COL27A1: variants seen among roughly 807,000 people sequenced by gnomAD.
COL27A1 encodes the protein collagen alpha-1(XXVII) chain.
Under a neutral mutation model 251.3 loss-of-function variants are expected in COL27A1, and 106 were observed. The ratio of observed to expected loss-of-function variants is 0.42; its 90% CI spans 0.36 to 0.50. The LOEUF (loss-of-function observed/expected upper bound fraction) is 0.50. Among genes scored for constraint, COL27A1 ranks in the 20% least tolerant of loss-of-function variants. The pLI is 0.00. For synonymous variants in COL27A1, 1,000 were observed against 986.3 expected (o/e 1.01, Z -0.26); for missense variants, 2,325 against 2,522.8 (o/e 0.92, Z 1.68).
intron 2 of COL27A1, among the ~76,000 whole-genome samples, chr9:114,167,463 A>G (rs1266778691): frequency 1.3e-5 from 2 of 152,198 alleles, no homozygotes; most frequent in Non-Finnish European, 2.9e-5. Context: ...TAACCCCAAC[A>G]TGCAAGATTA....
chr9:114,193,913 C>T (rs1008401163), intron 5 of COL27A1, among the ~76,000 whole-genome samples: 1 of 152,106 alleles, frequency 6.6e-6, no homozygotes, highest in African/African-American at 2.4e-5. Flanking sequence ...CAGAGCTCTA[C>T]AAGTAGGATG....
chr9:114,309,678 A>G (rs759799906), intron 60 of COL27A1, among the ~76,000 whole-genome samples, 200 bp downstream of exon 60: 3 of 152,312 alleles, frequency 2.0e-5, no homozygotes, highest in Admixed American at 6.5e-5. Flanking sequence ...CTGGGAAGCT[A>G]TGAGGGGAGG....
chr9:114,231,185 G>C (rs1017194802), intron 15 of COL27A1, 53 bp downstream of exon 15: 2 of 1,541,724 alleles, frequency 1.3e-6, no homozygotes, highest in East Asian at 4.5e-5. Context: ...GGGCACCCCC[G>C]ACCCATTTCA....
chr9:114,218,665 C>G (rs1830870454), intron 12 of COL27A1: 1 of 152,210 alleles, frequency 6.6e-6, no homozygotes, highest in Non-Finnish European at 1.5e-5. Context: ...GGGTGAATGT[C>G]AATCCAAGAG....
chr9:114,259,769 A>T (rs980232092), intron 28 of COL27A1, among the ~76,000 whole-genome samples: 6 of 152,122 alleles, frequency 3.9e-5, no homozygotes, highest in Non-Finnish European at 5.9e-5. Flanking sequence ...GTGCAGCCTT[A>T]TTGTAAAGAG....
At chr9:114,239,964 C>A (rs138785300) in intron 19 of COL27A1, among the ~76,000 whole-genome samples, 2 of 152,274 alleles carry the variant, frequency 1.3e-5, no homozygotes, top group African/African-American at 4.8e-5. Context: ...TTGAGTGTGA[C>A]CTTCCATGTT....
chr9:114,302,170 G>A (rs1463213969), intron 56 of COL27A1, 62 bp downstream of exon 56: 2 of 1,426,770 alleles, frequency 1.4e-6, no homozygotes, highest in Non-Finnish European at 2.0e-6. Flanking sequence ...TGGGGGAAGA[G>A]GCTGCTGGCC....
At chr9:114,177,805 C>T (rs987360383) in intron 3 of COL27A1, among the ~76,000 whole-genome samples, 4 of 152,194 alleles carry the variant, frequency 2.6e-5, no homozygotes. Context: ...AGTCCCTTCT[C>T]TGTTCTGATT....
At chr9:114,265,349 G>T in intron 31 of COL27A1, 73 bp from the exon 32 acceptor site, 1 of 1,497,224 alleles carries the variant, frequency 6.7e-7, no homozygotes, top group Non-Finnish European at 9.2e-7. Context: ...ACACTAGGAT[G>T]GCTTGCTTGA....
intron 27 of COL27A1, among the ~76,000 whole-genome samples, chr9:114,256,862 A>C (rs573628785): frequency 2.0e-5 from 3 of 152,336 alleles, no homozygotes; most frequent in African/African-American, 7.2e-5. Context: ...CTTGATGTAG[A>C]GACTTGGCTC....
At chr9:114,310,133 GA>G (rs1177692230) in intron 60 of COL27A1, among the ~76,000 whole-genome samples, 1 of 152,134 alleles carries the variant, frequency 6.6e-6, no homozygotes, top group African/African-American at 2.4e-5. Flanking sequence ...AAGGGTGGGA[GA>G]GGGGTGAGAG....
Position 114,309,555 on chromosome 9 carries a change from A to G in COL27A1, c.5436+77A>G, listed in dbSNP as rs148552406. ...CACTTGTTTGGAAAAATGTGTTTCT[A>G]TTATAAGATTATATCTAACATTTTA... On this transcript the variant is annotated intron_variant, in intron 60 of 60. Transcript: ENST00000356083. 16 of 1,015,846 alleles carry G rather than the reference A, an allele frequency of 1.6e-5. 1 individual carries two copies. The African/African-American group carries it at 2.2e-4, about 14-fold the overall frequency. 62.9% of individuals were successfully genotyped at this position (1,015,846 alleles called of 1,614,324 possible).
At chr9:114,170,911 C>T (rs1588575829) in intron 3 of COL27A1, among the ~76,000 whole-genome samples, 1 of 152,010 alleles carries the variant, frequency 6.6e-6, no homozygotes, top group South Asian at 2.1e-4. Flanking sequence ...AGGGGAATTG[C>T]CCCCTCCTGA....
rs375079566 is a variant in COL27A1, at chr9:114,292,242, C to T, written c.4584+32C>T. 5.7e-5 allele frequency: 84 copies of T among 1,479,604 alleles called. 1 individual carries two copies. The highest frequency in any genetic ancestry group is 2.0e-4 in the Middle Eastern group (1 of 4,940). The allele number at this position is 1,479,604 out of a possible 1,614,324, so 91.7% of individuals were successfully genotyped here. On this transcript the variant is annotated intron_variant, in intron 49 of 60. Coordinates refer to ENST00000356083, the MANE Select transcript of COL27A1 (RefSeq NM_032888.4). ...GAGCGCCAAAGAATACACATGCCCA[C>T]GCACTCACACATGCACACACTCACA... is the stretch of plus-strand genomic sequence containing the variant.
intron 14 of COL27A1, among the ~76,000 whole-genome samples, chr9:114,222,591 C>T (rs1012597388): frequency 1.3e-5 from 2 of 152,198 alleles, no homozygotes; most frequent in African/African-American, 4.8e-5. Flanking sequence ...CCTTTCACAC[C>T]TGCTGCGTGC....
chr9:114,188,228 T>C lies in COL27A1; in HGVS notation c.2016+5153T>C, dbSNP rs148523798. Among the ~76,000 whole-genome samples, 486 of 152,354 alleles carry C rather than the reference T, an allele frequency of 3.2e-3. 3 individuals carry two copies. Among genetic ancestry groups the C allele is most frequent in the African/African-American group, 0.011 (458 of 41,584 alleles). ...TATATGCAAATTAAGAGGCAGAGTA[T>C]GCAGACATTTCTAGAAAAGTGGTGG... On this transcript the variant is annotated intron_variant, in intron 5 of 60. Coordinates refer to ENST00000356083, the MANE Select transcript of COL27A1 (RefSeq NM_032888.4).
chr9:114,224,435 T>A (rs943733601), intron 14 of COL27A1, among the ~76,000 whole-genome samples: 1 of 152,140 alleles, frequency 6.6e-6, no homozygotes, highest in African/African-American at 2.4e-5. Context: ...TGTCTGTGCT[T>A]CCCAGGGCTC....
intron 49 of COL27A1, among the ~76,000 whole-genome samples, chr9:114,292,433 G>T (rs1343830030): frequency 6.6e-6 from 1 of 152,156 alleles, no homozygotes; most frequent in Non-Finnish European, 1.5e-5. Flanking sequence ...GACCTGAGTG[G>T]TTCCTTCAGA....
intron 7 of COL27A1, among the ~76,000 whole-genome samples, chr9:114,197,955 G>A (rs937183839): frequency 2.6e-5 from 4 of 152,220 alleles, no homozygotes; most frequent in Non-Finnish European, 5.9e-5. Context: ...CACTGCCATG[G>A]GCAATGTGCC....
Sources: gnomAD v4.1 joint callset for allele counts (sites outside exome capture counted in the v4.1 genomes callset) on GRCh38, gnomAD v4.1.1 for gene constraint, MANE v1.5 for transcripts, NCBI Gene and HGNC (gene_info 2026-07-23, HGNC 2026-07-21) for gene names.